GSG1L: variants seen among roughly 807,000 people sequenced by gnomAD.
The protein encoded by GSG1L is germ cell-specific gene 1-like protein.
In GSG1L, 24 loss-of-function variants were observed where a neutral mutation model predicts 42.1. The ratio of observed to expected loss-of-function variants is 0.57; its 90% CI spans 0.41 to 0.80. The LOEUF (loss-of-function observed/expected upper bound fraction) is 0.80. GSG1L is among the 30% of genes least tolerant of loss of function. The pLI is 0.00. For missense variants in GSG1L, 445 were observed against 472.2 expected, an observed-to-expected ratio of 0.94 and a Z score of 0.53; for synonymous variants, 215 against 203.5, an observed-to-expected ratio of 1.06 and a Z score of -0.48.
intron 2 of GSG1L, among the ~76,000 whole-genome samples, chr16:27,923,682 C>T: frequency 7.2e-6 from 1 of 139,354 alleles, no homozygotes; most frequent in Non-Finnish European, 1.5e-5. Context: ...GTGGAGGTTG[C>T]AAGATTGAGC....
At chr16:27,915,915 G>A (rs1392861853) in intron 2 of GSG1L, among the ~76,000 whole-genome samples, 1 of 151,996 alleles carries the variant, frequency 6.6e-6, no homozygotes, top group African/African-American at 2.4e-5. Flanking sequence ...TGGGGCCCTC[G>A]GGCAAATCAT....
rs1183169627 is a variant in GSG1L at position 27,788,410 on chromosome 16, A to G, written c.*2960T>C. 1 of 152,232 alleles carries G rather than the reference A, an allele frequency of 6.6e-6. No homozygotes were observed. Among genetic ancestry groups the G allele is most frequent in the African/African-American group, 2.4e-5 (1 of 41,432 alleles). 9.4% of individuals were successfully genotyped at this position (152,232 alleles called of 1,614,324 possible). A position where few individuals can be genotyped will look rare whatever the true frequency, so the allele number is the denominator to read the frequency against. ...AGGCGCATCCCAGTCTGCTAAAAGCATCTCACTGCCCACTCCCCATTGCCC... is the reference window on the plus strand; with the variant it reads ...AGGCGCATCCCAGTCTGCTAAAAGCGTCTCACTGCCCACTCCCCATTGCCC... On this transcript the variant is annotated 3_prime_UTR_variant, in exon 7 of 7. Coordinates refer to ENST00000447459, the MANE Select transcript of GSG1L (RefSeq NM_001109763.2).
At chr16:27,929,298 T>C (rs887374160) in intron 2 of GSG1L, among the ~76,000 whole-genome samples, 1 of 152,138 alleles carries the variant, frequency 6.6e-6, no homozygotes, top group Admixed American at 6.5e-5. Flanking sequence ...GTCCTGATGG[T>C]TTGGGATTGG....
At chr16:27,899,612 GA>G in intron 2 of GSG1L, among the ~76,000 whole-genome samples, 1 of 152,298 alleles carries the variant, frequency 6.6e-6, no homozygotes. Context: ...AGCCACTCAG[GA>G]GGCTGAAGCA....
rs1414367608 is a variant in GSG1L at position 27,862,812 on chromosome 16, T to C, written c.551-17751A>G. On this transcript the variant is annotated intron_variant, in intron 3 of 6. Coordinates refer to ENST00000447459, the MANE Select transcript of GSG1L (RefSeq NM_001109763.2). The stretch of plus-strand genomic sequence containing the variant: ...CTCCCCATATACACAGACACACGCA[T>C]GACACAGAATAATACAGAGCTTTGA... 2.0e-5 allele frequency among the ~76,000 whole-genome samples: 3 copies of C among 152,212 alleles called. No homozygotes were observed. In the East Asian group the frequency reaches 5.8e-4, roughly 29 times the overall value.
intron 2 of GSG1L, among the ~76,000 whole-genome samples, chr16:27,947,595 AAG>A (rs1222131659): frequency 1.3e-5 from 1 of 78,900 alleles, no homozygotes; most frequent in African/African-American, 8.0e-5. Flanking sequence ...GAAAGAAAGA[AAG>A]AAAAAGAAAG....
At chr16:27,929,826 G>A (rs1285964566) in intron 2 of GSG1L, among the ~76,000 whole-genome samples, 1 of 152,132 alleles carries the variant, frequency 6.6e-6, no homozygotes, top group Non-Finnish European at 1.5e-5. Flanking sequence ...CATGGCGTGA[G>A]CAAACCAGGA....
chr16:27,999,262 G>A (rs1211867989), intron 1 of GSG1L, among the ~76,000 whole-genome samples: 1 of 152,174 alleles, frequency 6.6e-6, no homozygotes, highest in Non-Finnish European at 1.5e-5. Flanking sequence ...GGCCAACATG[G>A]TGAAACCCCA....
At chr16:27,857,687 C>T (rs746597124) in intron 3 of GSG1L, among the ~76,000 whole-genome samples, 7 of 152,196 alleles carry the variant, frequency 4.6e-5, no homozygotes, top group South Asian at 2.1e-4. Flanking sequence ...AGACACTGGG[C>T]GGACTCCCCC....
chr16:28,003,324 C>T (rs1030628363), intron 1 of GSG1L, among the ~76,000 whole-genome samples: 3 of 152,248 alleles, frequency 2.0e-5, no homozygotes, highest in African/African-American at 7.2e-5. Flanking sequence ...CTCGCTGAAC[C>T]CAGCAGCAGG....
chr16:27,863,156 A>C (rs1300343460), intron 3 of GSG1L: 3 of 152,154 alleles, frequency 2.0e-5, no homozygotes, highest in Non-Finnish European at 1.5e-5. Flanking sequence ...ATATATGCTT[A>C]TGACGACATA....
intron 5 of GSG1L, among the ~76,000 whole-genome samples, chr16:27,820,884 C>T (rs988053839): frequency 2.0e-5 from 3 of 152,156 alleles, no homozygotes; most frequent in East Asian, 3.9e-4. Flanking sequence ...CCCATCGAGG[C>T]GCTCACTCTC....
intron 1 of GSG1L, among the ~76,000 whole-genome samples, chr16:28,043,711 A>C (rs956646817): frequency 6.6e-6 from 1 of 152,254 alleles, no homozygotes; most frequent in African/African-American, 2.4e-5. Context: ...GGAATGAAAA[A>C]TGGTACAGCC....
intron 1 of GSG1L, among the ~76,000 whole-genome samples, chr16:28,032,289 G>A (rs1045567538): frequency 6.6e-6 from 1 of 152,104 alleles, no homozygotes; most frequent in African/African-American, 2.4e-5. Flanking sequence ...AAGCCTCTAG[G>A]ATCCAAATAC....
chr16:27,939,015 G>A (rs905099499), intron 2 of GSG1L, among the ~76,000 whole-genome samples: 1 of 152,146 alleles, frequency 6.6e-6, no homozygotes, highest in African/African-American at 2.4e-5. Flanking sequence ...GGACTCTGGG[G>A]AACTAACGGG....
intron 1 of GSG1L, among the ~76,000 whole-genome samples, chr16:28,024,292 A>G (rs940495959): frequency 6.6e-6 from 1 of 152,166 alleles, no homozygotes; most frequent in African/African-American, 2.4e-5. Context: ...CACCACCTCC[A>G]TGGAAATCAT....
At position 28,045,431 on chromosome 16, in the gene GSG1L, T is replaced by G. The variant is rs979879524; in HGVS notation, c.349+17645A>C. On this transcript the variant is annotated intron_variant, in intron 1 of 6. Transcript: ENST00000447459. ...TGGCTCACGCCTGTAATTCCAGCAC[T>G]GTGGGAGGCCAAGGCAGGAAGATCA... 2.6e-5 allele frequency among the ~76,000 whole-genome samples: 4 copies of G among 152,192 alleles called. No individual in the cohort carries two copies. The East Asian group carries it at 7.7e-4, about 29-fold the overall frequency.
intron 2 of GSG1L, 47 bp downstream of exon 2, chr16:27,963,109 C>A (rs1567536782): frequency 1.3e-6 from 2 of 1,539,580 alleles, no homozygotes; most frequent in South Asian, 1.1e-5. Context: ...GGAAAGATGT[C>A]CCCAGAGAGA....
rs541934410 is a variant in GSG1L at position 28,027,709 on chromosome 16, T to C, written c.349+35367A>G. ...ATTTTCTTAGACTTGCTTAAACTAG[T>C]AGGGTTTCCATCATTAGAAGTAAGA... On this transcript the variant is annotated intron_variant, in intron 1 of 6. Coordinates refer to ENST00000447459, the MANE Select transcript of GSG1L (RefSeq NM_001109763.2). Among the ~76,000 whole-genome samples, 8 of 152,096 alleles carry C rather than the reference T, an allele frequency of 5.3e-5. No homozygotes were observed. The South Asian group carries it at 1.7e-3, about 32-fold the overall frequency.
Sources: gnomAD v4.1 joint callset for allele counts (sites outside exome capture counted in the v4.1 genomes callset) on GRCh38, gnomAD v4.1.1 for gene constraint, MANE v1.5 for transcripts, NCBI Gene and HGNC (gene_info 2026-07-23, HGNC 2026-07-21) for gene names.